Variants in CENPH observed in about 807,000 individuals in gnomAD.
CENPH encodes the protein centromere protein H, also known as CENP-H.
CENPH carries 40 observed loss-of-function variants against 42.9 expected under a neutral mutation model. The ratio of observed to expected loss-of-function variants is 0.93; its 90% CI spans 0.72 to 1.21. The LOEUF (loss-of-function observed/expected upper bound fraction) is 1.21, where lower values mean the gene tolerates loss of function less well. CENPH is among the 50% of genes most tolerant of loss of function. The pLI is 0.00. For missense variants in CENPH, 302 were observed against 292.9 expected, an observed-to-expected ratio of 1.03 and a Z score of -0.23; for synonymous variants, 88 against 96.5, an observed-to-expected ratio of 0.91 and a Z score of 0.52.
chr5:69,193,218 T>G (rs1747908094), intron 2 of CENPH, among the ~76,000 whole-genome samples: 2 of 152,018 alleles, frequency 1.3e-5, no homozygotes, highest in African/African-American at 4.8e-5. Context: ...TGTATATATA[T>G]GTGACTGAGA....
Position 69,202,584 on chromosome 5 carries a change from T to G in CENPH, c.435+15T>G, listed in dbSNP as rs1270755327. On this transcript the variant is annotated intron_variant, in intron 6 of 8. Coordinates refer to ENST00000283006, the MANE Select transcript of CENPH (RefSeq NM_022909.4). ...AATCACAGCAGGTAAACTTACACAT[T>G]AGGCTGATTATGCATTCTCATGATT... 1.4e-6 allele frequency: 2 copies of G among 1,413,928 alleles called. No individual in the cohort carries two copies. The highest frequency in any genetic ancestry group is 2.4e-5 in the South Asian group (2 of 83,060). The allele number at this position is 1,413,928 out of a possible 1,614,324, so 87.6% of individuals were successfully genotyped here. A position where few individuals can be genotyped will look rare whatever the true frequency, so the allele number is the denominator to read the frequency against.
chr5:69,198,065 C>T (rs765067720), intron 5 of CENPH, among the ~76,000 whole-genome samples: 83 of 151,726 alleles, frequency 5.5e-4, no homozygotes, highest in Non-Finnish European at 9.3e-4. Flanking sequence ...GGACTACAGG[C>T]GCCCACCACC....
rs1748034677 is a variant in CENPH, at chr5:69,200,133, A to AT, written c.372-2373_372-2372insT. On this transcript the variant is annotated intron_variant, in intron 5 of 8. Transcript: ENST00000283006. Reference sequence around the variant, plus strand: ...GTCTCAAAAAAAAAAAAAAAAAAAAACAGAAAGGTCAAATAGGCTGAGGCA... The same window carrying AT: ...GTCTCAAAAAAAAAAAAAAAAAAAAATCAGAAAGGTCAAATAGGCTGAGGCA... Among the ~76,000 whole-genome samples the AT allele has an allele frequency of 6.0e-5, 9 of 150,924 alleles. No homozygotes were observed. In the South Asian group the frequency reaches 1.9e-3, roughly 32 times the overall value.
intron 1 of CENPH, among the ~76,000 whole-genome samples, chr5:69,190,052 C>T (rs1747841394): frequency 6.6e-6 from 1 of 152,176 alleles, no homozygotes; most frequent in East Asian, 1.9e-4. Flanking sequence ...GTTTCCCCGC[C>T]CTCCCCCTAC....
intron 2 of CENPH, among the ~76,000 whole-genome samples, 167 bp from the exon 3 acceptor site, chr5:69,194,480 T>G (rs540430457): frequency 6.6e-6 from 1 of 152,336 alleles, no homozygotes; most frequent in South Asian, 2.1e-4. Flanking sequence ...ATATTTTTGA[T>G]CTATTGGGTT....
chr5:69,201,083 C>T (rs1311518930), intron 5 of CENPH, among the ~76,000 whole-genome samples: 7 of 151,804 alleles, frequency 4.6e-5, no homozygotes, highest in African/African-American at 1.7e-4. Context: ...GCCTCAGCCT[C>T]CAAAAGTGCT....
At chr5:69,191,593 C>T (rs1747873221) in intron 1 of CENPH, among the ~76,000 whole-genome samples, 1 of 152,138 alleles carries the variant, frequency 6.6e-6, no homozygotes, top group Non-Finnish European at 1.5e-5. Flanking sequence ...CATTTTGTGT[C>T]TTCCTCTGAG....
In CENPH at chr5:69,199,034, G is replaced by A. The variant is rs150364904; in HGVS notation, c.371+1925G>A. Among the ~76,000 whole-genome samples, 8 of 152,294 alleles carry A rather than the reference G, an allele frequency of 5.3e-5. No individual in the cohort carries two copies. In the East Asian group the frequency reaches 1.5e-3, roughly 29 times the overall value. The stretch of plus-strand genomic sequence containing the variant: ...ATCACATTGTTACTGAAATGTCAGG[G>A]CTTTGGTCTAGGTCCTGTTGCTTGC... On this transcript the variant is annotated intron_variant, in intron 5 of 8. Coordinates refer to ENST00000283006, the MANE Select transcript of CENPH (RefSeq NM_022909.4).
At chr5:69,195,576 C>G in intron 3 of CENPH, 141 bp from the exon 4 acceptor site, 1 of 587,708 alleles carries the variant, frequency 1.7e-6, no homozygotes. Flanking sequence ...TGTGTAAATA[C>G]ACATTGGTAT....
chr5:69,191,817 CA>C lies in CENPH; in HGVS notation c.159del (p.Gln53HisfsTer3). The C allele has an allele frequency of 6.4e-7, 1 of 1,552,334 alleles. No individual in the cohort carries two copies. Among genetic ancestry groups the C allele is most frequent in the Non-Finnish European group, 8.9e-7 (1 of 1,124,848 alleles). On this transcript the variant is annotated frameshift_variant, in exon 2 of 9. Transcript: ENST00000283006. LOFTEE classifies it high-confidence loss of function. ...LLRLRAQTKQ[Q>X]LLEYKSMVDA... ...CAGGCTGAGAGCACAGACAAAACAA[CA>C]ACTCTTAGAATATAAATCAATGGTT...
At chr5:69,189,855 T>C in intron 1 of CENPH, 87 bp downstream of exon 1, 1 of 1,371,192 alleles carries the variant, frequency 7.3e-7, no homozygotes, top group Non-Finnish European at 9.5e-7. Flanking sequence ...AGGGTTCGAA[T>C]TCACGCTCGG....
Position 69,202,487 on chromosome 5 carries a change from CTTTT to C in CENPH, c.372-17_372-14del. On this transcript the variant is annotated splice_polypyrimidine_tract_variant and intron_variant, in intron 5 of 8. Transcript: ENST00000283006. ...GTTACAAATAACCTTAATAAATCAT[CTTTT>C]TGTTTCCTTTTCAGTGTGCTCATGG... 1 of 1,401,360 alleles carries C rather than the reference CTTTT, an allele frequency of 7.1e-7. No individual in the cohort carries two copies. The highest frequency in any genetic ancestry group is 1.3e-5 in the South Asian group (1 of 78,982). 86.8% of individuals were successfully genotyped at this position (1,401,360 alleles called of 1,614,324 possible). A position where few individuals can be genotyped will look rare whatever the true frequency, so the allele number is the denominator to read the frequency against.
At chr5:69,193,625 A>G (rs1463973957) in intron 2 of CENPH, among the ~76,000 whole-genome samples, 5 of 151,930 alleles carry the variant, frequency 3.3e-5, no homozygotes, top group Non-Finnish European at 7.4e-5. Context: ...GTCTCCCCCA[A>G]AAAAAGATAC....
At chr5:69,204,919 CTT>C (rs375795328) in intron 7 of CENPH, among the ~76,000 whole-genome samples, 8 of 99,414 alleles carry the variant, frequency 8.0e-5, no homozygotes, top group Non-Finnish European at 1.4e-4. Context: ...TTTTCTTTTT[CTT>C]TTTTTTTTTT....
At chr5:69,192,990 G>C (rs865812316) in intron 2 of CENPH, among the ~76,000 whole-genome samples, 1 of 25,312 alleles carries the variant, frequency 4.0e-5, no homozygotes, top group South Asian at 1.6e-3. Context: ...CAGCTACTCG[G>C]GGAGGCTGAG....
chr5:69,189,594 G>C lies in CENPH; in HGVS notation c.-41G>C. ...GCGGGAAAAGCGACCTTTTCTGAGC[G>C]CGTTTGCCTGTTGAGTGGTAGCCTT... On this transcript the variant is annotated 5_prime_UTR_variant, in exon 1 of 9. Transcript: ENST00000283006. 1 of 1,534,806 alleles carries C rather than the reference G, an allele frequency of 6.5e-7. No individual in the cohort carries two copies. The highest frequency in any genetic ancestry group is 8.7e-7 in the Non-Finnish European group (1 of 1,144,942).
chr5:69,209,699 C>A lies in CENPH; in HGVS notation c.652-8C>A, dbSNP rs1748216014. On this transcript the variant is annotated splice_polypyrimidine_tract_variant and splice_region_variant and intron_variant, in intron 8 of 8. Transcript: ENST00000283006. ...TTGTAACTTTAAAACAATTTTTTTTCTTTACAGAACCTTATTTTGGGGAGT... is the reference window on the plus strand; with the variant it reads ...TTGTAACTTTAAAACAATTTTTTTTATTTACAGAACCTTATTTTGGGGAGT... 6.7e-6 allele frequency: 10 copies of A among 1,482,600 alleles called. No homozygotes were observed. Among genetic ancestry groups the A allele is most frequent in the Non-Finnish European group, 9.2e-6 (10 of 1,085,474 alleles). The allele number at this position is 1,482,600 out of a possible 1,614,324, so 91.8% of individuals were successfully genotyped here. A position where few individuals can be genotyped will look rare whatever the true frequency, so the allele number is the denominator to read the frequency against.
At chr5:69,204,807 T>G (rs1444964422) in intron 7 of CENPH, among the ~76,000 whole-genome samples, 1 of 151,756 alleles carries the variant, frequency 6.6e-6, no homozygotes, top group Non-Finnish European at 1.5e-5. Context: ...GGTTTCACTG[T>G]CTTGGCCAGG....
At chr5:69,205,935 T>G (rs1748151289) in intron 7 of CENPH, among the ~76,000 whole-genome samples, 1 of 151,290 alleles carries the variant, frequency 6.6e-6, no homozygotes, top group Admixed American at 6.6e-5. Flanking sequence ...GGTCTCCATC[T>G]CCTGACCTCG....
Sources: gnomAD v4.1 joint callset for allele counts (sites outside exome capture counted in the v4.1 genomes callset) on GRCh38, gnomAD v4.1.1 for gene constraint, MANE v1.5 for transcripts, NCBI Gene and HGNC (gene_info 2026-07-23, HGNC 2026-07-21) for gene names.